The following DLG2 variants were observed in gnomAD, a reference collection of about 807,000 sequenced individuals.
DLG2 encodes the protein discs large MAGUK scaffold protein 2.
In DLG2, 45 loss-of-function variants were observed where a neutral mutation model predicts 132.5. The ratio of observed to expected loss-of-function variants is 0.34; its 90% CI spans 0.27 to 0.44. DLG2 has a LOEUF of 0.44. Ranked by LOEUF, DLG2 falls within the 20% of genes least tolerant of loss-of-function variation. The pLI is 1.00. For synonymous variants in DLG2, 424 were observed against 419.6 expected, an observed-to-expected ratio of 1.01 and a Z score of -0.13; for missense variants, 1,045 against 1,196.9, an observed-to-expected ratio of 0.87 and a Z score of 1.87.
At chr11:83,670,271 TGGTGGTA>T in intron 18 of DLG2, among the ~76,000 whole-genome samples, 1 of 152,132 alleles carries the variant, frequency 6.6e-6, no homozygotes, top group East Asian at 1.9e-4. Context: ...TGGATGCTTG[TGGTGGTA>T]GGTGACAAGG....
chr11:85,285,433 T>A, intron 3 of DLG2, 68 bp from the exon 4 acceptor site: 1 of 1,459,264 alleles, frequency 6.9e-7, no homozygotes, highest in African/African-American at 1.4e-5. Context: ...TCTGCATATA[T>A]GTCCATATAT....
intron 6 of DLG2, among the ~76,000 whole-genome samples, chr11:85,011,084 C>T (rs528889106): frequency 6.6e-6 from 1 of 152,274 alleles, no homozygotes; most frequent in East Asian, 1.9e-4. Flanking sequence ...CAATATGCCT[C>T]AGTCATGTGA....
intron 18 of DLG2, among the ~76,000 whole-genome samples, chr11:83,649,856 A>G (rs1166264674): frequency 6.6e-6 from 1 of 152,136 alleles, no homozygotes; most frequent in Non-Finnish European, 1.5e-5. Context: ...TTCTATAGAT[A>G]TTCCTTAATT....
chr11:85,228,063 C>A (rs1167320976), intron 4 of DLG2, among the ~76,000 whole-genome samples: 6 of 151,862 alleles, frequency 4.0e-5, no homozygotes, highest in Non-Finnish European at 5.9e-5. Context: ...TTATTTTTTT[C>A]TCTTACATGT....
At chr11:83,548,817 C>G (rs2096304045) in intron 19 of DLG2, among the ~76,000 whole-genome samples, 1 of 152,130 alleles carries the variant, frequency 6.6e-6, no homozygotes, top group Non-Finnish European at 1.5e-5. Context: ...CTTTCCTTCT[C>G]TAAAATTGCA....
intron 6 of DLG2, among the ~76,000 whole-genome samples, chr11:84,669,648 A>T (rs1298121732): frequency 6.6e-6 from 1 of 152,122 alleles, no homozygotes; most frequent in Non-Finnish European, 1.5e-5. Context: ...CCCCTACTAA[A>T]CACACACTTT....
At chr11:84,787,960 G>T (rs767481900) in intron 6 of DLG2, among the ~76,000 whole-genome samples, 19 of 151,034 alleles carry the variant, frequency 1.3e-4, no homozygotes, top group Admixed American at 2.6e-4. Flanking sequence ...AAATTAGCTG[G>T]GTGTGATGGT....
chr11:83,924,342 C>A (rs1158936370), intron 15 of DLG2, among the ~76,000 whole-genome samples: 1 of 152,202 alleles, frequency 6.6e-6, no homozygotes, highest in East Asian at 1.9e-4. Flanking sequence ...TTTTAGTATT[C>A]AATTTGGAAC....
chr11:84,875,420 A>G (rs910836055), intron 6 of DLG2, among the ~76,000 whole-genome samples: 1 of 151,874 alleles, frequency 6.6e-6, no homozygotes, highest in Non-Finnish European at 1.5e-5. Flanking sequence ...TACAAGGAAA[A>G]TGTACACATG....
At chr11:84,590,655 T>C (rs1417480787) in intron 6 of DLG2, among the ~76,000 whole-genome samples, 1 of 152,160 alleles carries the variant, frequency 6.6e-6, no homozygotes, top group Non-Finnish European at 1.5e-5. Context: ...TAAAGTGCTA[T>C]AGTCTAACAT....
intron 7 of DLG2, among the ~76,000 whole-genome samples, chr11:84,523,433 T>C (rs1307249965): frequency 3.9e-5 from 6 of 152,320 alleles, no homozygotes; most frequent in Admixed American, 6.5e-5. Flanking sequence ...GCTATTACTT[T>C]TCTGGATTAG....
intron 3 of DLG2, among the ~76,000 whole-genome samples, chr11:85,574,211 C>T (rs1479036482): frequency 2.0e-5 from 3 of 151,816 alleles, no homozygotes; most frequent in African/African-American, 7.3e-5. Flanking sequence ...ATGACCTCTT[C>T]TCCTTCAAAT....
At chr11:84,984,488 A>C (rs991476696) in intron 6 of DLG2, among the ~76,000 whole-genome samples, 1 of 152,150 alleles carries the variant, frequency 6.6e-6, no homozygotes, top group African/African-American at 2.4e-5. Context: ...GGAGCTCTAA[A>C]TCTTGAAACA....
intron 6 of DLG2, among the ~76,000 whole-genome samples, chr11:84,572,985 G>A (rs975310435): frequency 1.3e-5 from 2 of 152,054 alleles, no homozygotes; most frequent in Non-Finnish European, 2.9e-5. Context: ...GGAGTCTTGT[G>A]TCTCCTGCCA....
intron 5 of DLG2, among the ~76,000 whole-genome samples, chr11:85,126,823 T>C (rs1179998024): frequency 6.6e-6 from 1 of 152,228 alleles, no homozygotes; most frequent in East Asian, 1.9e-4. Flanking sequence ...AAGCATTTTA[T>C]AGTTCTTATC....
intron 6 of DLG2, among the ~76,000 whole-genome samples, chr11:85,085,522 CATA>C (rs1359054160): frequency 1.3e-5 from 2 of 151,868 alleles, no homozygotes; most frequent in African/African-American, 2.4e-5. Flanking sequence ...AGTGAACATC[CATA>C]ATATTTATAA....
chr11:84,795,172 G>A (rs182382446), intron 6 of DLG2, among the ~76,000 whole-genome samples: 18 of 152,324 alleles, frequency 1.2e-4, no homozygotes, highest in African/African-American at 2.9e-4. Context: ...AGACTTCGCC[G>A]GACTTGGGCA....
intron 6 of DLG2, among the ~76,000 whole-genome samples, chr11:84,809,434 G>GA (rs1017128161): frequency 6.1e-4 from 79 of 129,832 alleles, no homozygotes; most frequent in Non-Finnish European, 8.8e-4. Context: ...TTGCCATAAA[G>GA]AAAAAAAAAA....
intron 18 of DLG2, among the ~76,000 whole-genome samples, chr11:83,657,846 G>C (rs973818185): frequency 6.6e-6 from 1 of 152,086 alleles, no homozygotes; most frequent in East Asian, 1.9e-4. Flanking sequence ...AGCCTATATT[G>C]TCTATTCTTA....
Sources: gnomAD v4.1 joint callset for allele counts (sites outside exome capture counted in the v4.1 genomes callset) on GRCh38, gnomAD v4.1.1 for gene constraint, MANE v1.5 for transcripts, NCBI Gene and HGNC (gene_info 2026-07-23, HGNC 2026-07-21) for gene names.